The following LRRC7 variants were observed in gnomAD, a reference collection of about 807,000 sequenced individuals.
LRRC7 encodes leucine rich repeat containing 7.
Under a neutral mutation model 175.7 loss-of-function variants are expected in LRRC7, and 23 were observed. That is an observed-to-expected ratio of 0.13 (90% CI 0.09 to 0.19). The LOEUF (loss-of-function observed/expected upper bound fraction) is 0.19, where lower values mean the gene tolerates loss of function less well. Among genes scored for constraint, LRRC7 ranks in the 10% least tolerant of loss-of-function variants. The probability of loss-of-function intolerance (pLI) is 1.00; values close to 1 mark genes in which losing one functional copy is unlikely to be tolerated. For missense variants in LRRC7, 1,354 were observed against 1,904.7 expected (o/e 0.71, Z 5.38); for synonymous variants, 685 against 680.9 (o/e 1.01, Z -0.09).
intron 8 of LRRC7, among the ~76,000 whole-genome samples, chr1:69,966,033 A>C (rs1474041197): frequency 6.6e-6 from 1 of 152,202 alleles, no homozygotes. Flanking sequence ...GCAAAATCTA[A>C]ATGTTATTAA....
intron 1 of LRRC7, among the ~76,000 whole-genome samples, chr1:69,593,321 G>A (rs1156686294): frequency 2.0e-5 from 3 of 152,080 alleles, no homozygotes; most frequent in African/African-American, 7.2e-5. Context: ...AACGTATTTA[G>A]TAATAACAAA....
chr1:69,655,967 T>G (rs1348264420), intron 1 of LRRC7, among the ~76,000 whole-genome samples: 1 of 152,034 alleles, frequency 6.6e-6, no homozygotes, highest in African/African-American at 2.4e-5. Context: ...GAAATTAATG[T>G]TTCATATTTA....
At chr1:69,986,647 T>A (rs1653958769) in intron 10 of LRRC7, among the ~76,000 whole-genome samples, 1 of 152,188 alleles carries the variant, frequency 6.6e-6, no homozygotes, top group African/African-American at 2.4e-5. Context: ...ATCTCCAAAG[T>A]TGCAAAATGT....
rs1686403907 is a variant in LRRC7, at chr1:69,879,687, G to C, written c.647+41404G>C. 2.0e-5 allele frequency: 3 copies of C among 152,316 alleles called. No homozygotes were observed. In the South Asian group the frequency reaches 6.2e-4, roughly 31 times the overall value. The allele number at this position is 152,316 out of a possible 1,614,324, so 9.4% of individuals were successfully genotyped here. ...GGAGTTCTAGGCTGTAGTGTATTAT[G>C]CTGATCGGGTGGCAACACTAAGTTT... On this transcript the variant is annotated intron_variant, in intron 7 of 26. Coordinates refer to ENST00000651989, the MANE Select transcript of LRRC7 (RefSeq NM_001370785.2).
rs1352355316 is a variant in LRRC7, at chr1:70,123,284, A to G, written c.*1397A>G. On this transcript the variant is annotated 3_prime_UTR_variant, in exon 27 of 27. Coordinates refer to ENST00000651989, the MANE Select transcript of LRRC7 (RefSeq NM_001370785.2). ...GAGTTGGTTGCATGCATTATCTTTC[A>G]TAATTTTACATAGTTCTTTTGTTAT... The G allele has an allele frequency of 6.6e-6, 1 of 152,082 alleles. No homozygotes were observed. Among genetic ancestry groups the G allele is most frequent in the Non-Finnish European group, 1.5e-5 (1 of 67,972 alleles). 9.4% of individuals were successfully genotyped at this position (152,082 alleles called of 1,614,324 possible).
intron 3 of LRRC7, among the ~76,000 whole-genome samples, chr1:69,765,619 CATCT>C (rs1449373431): frequency 2.0e-5 from 3 of 152,158 alleles, no homozygotes; most frequent in East Asian, 3.9e-4. Flanking sequence ...TATTTCCATC[CATCT>C]ATCTATCCAT....
intron 23 of LRRC7, among the ~76,000 whole-genome samples, chr1:70,067,716 T>TAAA (rs1662083697): frequency 1.3e-5 from 2 of 152,128 alleles, no homozygotes; most frequent in Non-Finnish European, 2.9e-5. Flanking sequence ...GGAGAGGATC[T>TAAA]TTACTTTTTA....
intron 25 of LRRC7, among the ~76,000 whole-genome samples, chr1:70,100,744 A>G (rs1664747991): frequency 6.6e-6 from 1 of 151,904 alleles, no homozygotes; most frequent in Admixed American, 6.6e-5. Flanking sequence ...CAGATTTTAC[A>G]ATTAACTGGT....
chr1:69,886,649 A>G (rs1645629380), intron 7 of LRRC7, among the ~76,000 whole-genome samples: 1 of 146,280 alleles, frequency 6.8e-6, no homozygotes, highest in Non-Finnish European at 1.5e-5. Flanking sequence ...TGTGAATTTG[A>G]TCCTGTCATT....
At chr1:69,908,533 T>G (rs1228802936) in intron 7 of LRRC7, among the ~76,000 whole-genome samples, 1 of 152,190 alleles carries the variant, frequency 6.6e-6, no homozygotes, top group Non-Finnish European at 1.5e-5. Context: ...CAGTAGTCAT[T>G]CAGGAGCAGG....
chr1:69,948,897 C>T (rs1649625430), intron 8 of LRRC7, among the ~76,000 whole-genome samples: 1 of 152,166 alleles, frequency 6.6e-6, no homozygotes, highest in Non-Finnish European at 1.5e-5. Flanking sequence ...CTGCCTCCTT[C>T]TATATCTGAC....
intron 7 of LRRC7, among the ~76,000 whole-genome samples, chr1:69,887,993 G>A (rs1162599370): frequency 2.3e-4 from 28 of 123,074 alleles, no homozygotes; most frequent in African/African-American, 4.0e-4. Context: ...CTCCAGCTGC[G>A]TGTTGGGAGA....
chr1:69,764,364 C>T lies in LRRC7; in HGVS notation c.303+3971C>T, dbSNP rs1190731617. 3.3e-5 allele frequency among the ~76,000 whole-genome samples: 5 copies of T among 151,554 alleles called. No individual in the cohort carries two copies. The East Asian group carries it at 7.8e-4, about 24-fold the overall frequency. On this transcript the variant is annotated intron_variant, in intron 3 of 26. Coordinates refer to ENST00000651989, the MANE Select transcript of LRRC7 (RefSeq NM_001370785.2). ...AAAAAAACTTCTTGAAACTGAAGAA[C>T]TTTAAAAAAGAGATTATAATTAATT...
At chr1:69,691,159 C>T (rs1015861375) in intron 2 of LRRC7, among the ~76,000 whole-genome samples, 1 of 152,056 alleles carries the variant, frequency 6.6e-6, no homozygotes, top group African/African-American at 2.4e-5. Flanking sequence ...GCAAGCTGGC[C>T]TAGTGTTTAA....
Position 70,140,415 on chromosome 1 carries a change from T to A in LRRC7, c.*18528T>A, listed in dbSNP as rs540105847. ...CATTGATCTGGCCACATAAGGAACA[T>A]CCTGTTTCTTTAAATCCTCAATGCT... On this transcript the variant is annotated 3_prime_UTR_variant, in exon 27 of 27. Coordinates refer to ENST00000651989, the MANE Select transcript of LRRC7 (RefSeq NM_001370785.2). The A allele has an allele frequency of 6.6e-6, 1 of 152,112 alleles. No individual in the cohort carries two copies. Among genetic ancestry groups the A allele is most frequent in the South Asian group, 2.1e-4 (1 of 4,832 alleles). The allele number at this position is 152,112 out of a possible 1,614,324, so 9.4% of individuals were successfully genotyped here.
intron 23 of LRRC7, among the ~76,000 whole-genome samples, chr1:70,073,973 G>A (rs769548624): frequency 3.9e-5 from 6 of 152,164 alleles, no homozygotes; most frequent in Admixed American, 2.0e-4. Context: ...GGCTGAGGCC[G>A]GTAGATCACT....
chr1:69,788,478 AATAG>A (rs1674749075), intron 3 of LRRC7, among the ~76,000 whole-genome samples: 1 of 152,238 alleles, frequency 6.6e-6, no homozygotes. Flanking sequence ...CATAGCACAT[AATAG>A]ATATTCAATA....
intron 2 of LRRC7, among the ~76,000 whole-genome samples, chr1:69,736,171 T>G (rs1668097848): frequency 1.3e-5 from 2 of 152,106 alleles, no homozygotes; most frequent in South Asian, 4.1e-4. Context: ...CATTTGAAAT[T>G]TAGGAGATTA....
At chr1:70,114,034 A>T (rs1340190811) in intron 26 of LRRC7, among the ~76,000 whole-genome samples, 1 of 150,158 alleles carries the variant, frequency 6.7e-6, no homozygotes, top group East Asian at 2.0e-4. Flanking sequence ...TCATTTTCTG[A>T]ATTTTAAAAA....
Sources: gnomAD v4.1 joint callset for allele counts (sites outside exome capture counted in the v4.1 genomes callset) on GRCh38, gnomAD v4.1.1 for gene constraint, MANE v1.5 for transcripts, NCBI Gene and HGNC (gene_info 2026-07-23, HGNC 2026-07-21) for gene names.